NFIX: variants seen among roughly 807,000 people sequenced by gnomAD.
The protein encoded by NFIX is nuclear factor I X.
NFIX carries 2 observed loss-of-function variants against 53.3 expected under a neutral mutation model. The observed-to-expected ratio is 0.04, with a 90% confidence interval of 0.02 to 0.12. The LOEUF is 0.12. Among genes scored for constraint, NFIX ranks in the 10% least tolerant of loss-of-function variants. The pLI is 1.00. For synonymous variants in NFIX, 244 were observed against 289.0 expected (o/e 0.84, Z 1.58); for missense variants, 310 against 674.5 (o/e 0.46, Z 5.99).
In NFIX at chr19:13,096,841, GTGCCCGGCGGGGC is replaced by G. The variant is rs2018493625; in HGVS notation, c.*2200_*2212del. 6.6e-6 allele frequency: 1 copy of G among 151,372 alleles called. No homozygotes were observed. The highest frequency in any genetic ancestry group is 2.4e-5 in the African/African-American group (1 of 41,236). 9.4% of individuals were successfully genotyped at this position (151,372 alleles called of 1,614,324 possible). A position where few individuals can be genotyped will look rare whatever the true frequency, so the allele number is the denominator to read the frequency against. On this transcript the variant is annotated 3_prime_UTR_variant, in exon 11 of 11. Coordinates refer to ENST00000592199, the MANE Select transcript of NFIX (RefSeq NM_001365902.3). ...AGGCCAGCTGGGCCCGGGCCGGAGC[GTGCCCGGCGGGGC>G]TGCCCGGGCGGGCAGGGGGTGGGGG...
Position 13,037,069 on chromosome 19 carries a change from C to G in NFIX, c.559+11517C>G, listed in dbSNP as rs553466674. On this transcript the variant is annotated intron_variant, in intron 2 of 10. Transcript: ENST00000592199. The surrounding 1 kb of genome is among the most constrained non-coding windows in gnomAD (Gnocchi z 4.2). ...TGGGCAGAGTCCTTAATGGGTGAGA[C>G]AGGCCATCTGCCCTTGGGTATTTGA... 6.6e-6 allele frequency among the ~76,000 whole-genome samples: 1 copy of G among 152,260 alleles called. No individual in the cohort carries two copies. The highest frequency in any genetic ancestry group is 1.9e-4 in the East Asian group (1 of 5,172).
chr19:13,013,155 G>C lies in NFIX; in HGVS notation c.28-11866G>C, dbSNP rs986095536. On this transcript the variant is annotated intron_variant, in intron 1 of 10. Coordinates refer to ENST00000592199, the MANE Select transcript of NFIX (RefSeq NM_001365902.3). The surrounding 1 kb of genome is among the most constrained non-coding windows in gnomAD (Gnocchi z 5.9). The stretch of plus-strand genomic sequence containing the variant: ...CTCTCAGGGCTGATTTCTTGAATTT[G>C]GGGCGTCGAGGCCTCCCCACCCGTT... Among the ~76,000 whole-genome samples the C allele has an allele frequency of 2.0e-5, 3 of 152,034 alleles. No homozygotes were observed. The highest frequency in any genetic ancestry group is 7.2e-5 in the African/African-American group (3 of 41,386).
intron 2 of NFIX, among the ~76,000 whole-genome samples, chr19:13,039,228 C>CCACACA (rs1555698306): frequency 3.9e-4 from 56 of 144,582 alleles, no homozygotes; most frequent in African/African-American, 5.7e-4. Context: ...ACACCCCCCC[C>CCACACA]CACACACACA....
chr19:13,023,058 C>G (rs1419687166), intron 1 of NFIX, among the ~76,000 whole-genome samples: 3 of 136,200 alleles, frequency 2.2e-5, no homozygotes, highest in Non-Finnish European at 4.7e-5. Flanking sequence ...ATAGGTGGAT[C>G]CTTCTCTCTC....
At chr19:13,020,675 G>C (rs866904535) in intron 1 of NFIX, among the ~76,000 whole-genome samples, 1 of 152,186 alleles carries the variant, frequency 6.6e-6, no homozygotes, top group Non-Finnish European at 1.5e-5. Context: ...AGAGCCTTGA[G>C]GGGGTGCTTG....
rs2018075038 is a variant in NFIX, at chr19:13,090,618, C to T, written c.1494+228C>T. ...CTAATTGGATAATTAGCTCTGACAG[C>T]CCTGGCCCTGGGGAAGGCGGCCAAG... On this transcript the variant is annotated intron_variant, in intron 10 of 10. Transcript: ENST00000592199. The surrounding 1 kb of genome is among the most constrained non-coding windows in gnomAD (Gnocchi z 6.6). 6.6e-6 allele frequency among the ~76,000 whole-genome samples: 1 copy of T among 152,224 alleles called. No homozygotes were observed. Among genetic ancestry groups the T allele is most frequent in the Non-Finnish European group, 1.5e-5 (1 of 68,042 alleles).
intron 2 of NFIX, among the ~76,000 whole-genome samples, chr19:13,048,242 C>A (rs1294390804): frequency 6.6e-6 from 1 of 152,210 alleles, no homozygotes; most frequent in Non-Finnish European, 1.5e-5. Context: ...ACTCTTCTTT[C>A]CAGCTACCAG....
chr19:13,080,067 T>C (rs540890635), intron 7 of NFIX, among the ~76,000 whole-genome samples: 1 of 152,150 alleles, frequency 6.6e-6, no homozygotes, highest in Admixed American at 6.5e-5. Context: ...CCTCCTCTTG[T>C]CCCCCACCCA....
chr19:13,074,047 T>C, intron 5 of NFIX, 21 bp downstream of exon 5: 1 of 1,613,372 alleles, frequency 6.2e-7, no homozygotes. Context: ...TGGCCCTGCC[T>C]TTCCATCTTC....
At chr19:13,046,212 G>C (rs2014971469) in intron 2 of NFIX, among the ~76,000 whole-genome samples, 1 of 152,216 alleles carries the variant, frequency 6.6e-6, no homozygotes, top group Non-Finnish European at 1.5e-5. Flanking sequence ...TCTCGGGAAA[G>C]AGGGTAGGCC....
At position 13,073,001 on chromosome 19, in the gene NFIX, G is replaced by C. The variant is rs1052655273; in HGVS notation, c.560-46G>C. 26 of 1,587,746 alleles carry C rather than the reference G, an allele frequency of 1.6e-5. No individual in the cohort carries two copies. Among genetic ancestry groups the C allele is most frequent in the Non-Finnish European group, 2.2e-5 (26 of 1,156,352 alleles). On this transcript the variant is annotated intron_variant, in intron 2 of 10. Coordinates refer to ENST00000592199, the MANE Select transcript of NFIX (RefSeq NM_001365902.3). The surrounding 1 kb of genome is among the most constrained non-coding windows in gnomAD (Gnocchi z 4.5). ...GGCCAATGCTTGGCTGGTGCTTATG[G>C]GGAACTTTGCTCCTGATACATTCTC...
rs1236250840 is a variant in NFIX, at chr19:13,022,038, G to C, written c.28-2983G>C. On this transcript the variant is annotated intron_variant, in intron 1 of 10. Transcript: ENST00000592199. The surrounding 1 kb of genome is among the most constrained non-coding windows in gnomAD (Gnocchi z 4.5). ...GAGACAGGTAAGAAAACTAATCTCA[G>C]GTCAACTGGAGAGGGCAGATCTGGA... Among the ~76,000 whole-genome samples, 3 of 152,118 alleles carry C rather than the reference G, an allele frequency of 2.0e-5. No homozygotes were observed.
intron 2 of NFIX, among the ~76,000 whole-genome samples, chr19:13,026,028 G>C (rs2013317252): frequency 6.6e-6 from 1 of 152,178 alleles, no homozygotes; most frequent in Non-Finnish European, 1.5e-5. Context: ...GGATGGGCAG[G>C]AGTCCGGTGG....
Position 13,090,787 on chromosome 19 carries a change from C to T in NFIX, c.1494+397C>T, listed in dbSNP as rs775519413. On this transcript the variant is annotated intron_variant, in intron 10 of 10. Coordinates refer to ENST00000592199, the MANE Select transcript of NFIX (RefSeq NM_001365902.3). The surrounding 1 kb of genome is among the most constrained non-coding windows in gnomAD (Gnocchi z 6.6). Reference sequence around the variant, plus strand: ...CCGGCCCCTAGCCCTCCCCTTTCCCCTGGCGTTGGGTGGGCTGGGTGACGG... The same window carrying T: ...CCGGCCCCTAGCCCTCCCCTTTCCCTTGGCGTTGGGTGGGCTGGGTGACGG... Among the ~76,000 whole-genome samples, 1 of 152,222 alleles carries T rather than the reference C, an allele frequency of 6.6e-6. No individual in the cohort carries two copies. Among genetic ancestry groups the T allele is most frequent in the Non-Finnish European group, 1.5e-5 (1 of 68,028 alleles).
In NFIX at chr19:13,090,777, C is replaced by T. The variant is rs2018085916; in HGVS notation, c.1494+387C>T. On this transcript the variant is annotated intron_variant, in intron 10 of 10. Coordinates refer to ENST00000592199, the MANE Select transcript of NFIX (RefSeq NM_001365902.3). The surrounding 1 kb of genome is among the most constrained non-coding windows in gnomAD (Gnocchi z 6.6). ...ACTGGAAGCCCCGGCCCCTAGCCCT[C>T]CCCTTTCCCCTGGCGTTGGGTGGGC... Among the ~76,000 whole-genome samples, 1 of 152,196 alleles carries T rather than the reference C, an allele frequency of 6.6e-6. No homozygotes were observed. The highest frequency in any genetic ancestry group is 6.5e-5 in the Admixed American group (1 of 15,284).
At position 13,078,885 on chromosome 19, in the gene NFIX, A is replaced by G. The variant is rs1447968921; in HGVS notation, c.1078+150A>G. 1.0e-6 allele frequency: 1 copy of G among 970,660 alleles called. No homozygotes were observed. The highest frequency in any genetic ancestry group is 2.9e-5 in the Admixed American group (1 of 34,250). The allele number at this position is 970,660 out of a possible 1,614,324, so 60.1% of individuals were successfully genotyped here. On this transcript the variant is annotated intron_variant, in intron 7 of 10. Transcript: ENST00000592199. This position sits in a 1 kb window ranked among gnomAD's most constrained non-coding sequence, Gnocchi z 4.7. ...AGGTGCAGCAGCGGGTGGGCATGGG[A>G]GCCGGCCCCTGCTTCACGTAGCACC...
rs1311772465 is a variant in NFIX at position 13,066,771 on chromosome 19, A to G, written c.560-6276A>G. Among the ~76,000 whole-genome samples, 1 of 152,034 alleles carries G rather than the reference A, an allele frequency of 6.6e-6. No individual in the cohort carries two copies. Among genetic ancestry groups the G allele is most frequent in the East Asian group, 1.9e-4 (1 of 5,164 alleles). ...TGTTTGTGCACATGTGTGTGTGCACATGCATGGTGGCTGGTGGAGCAGGGT... is the reference window on the plus strand; with the variant it reads ...TGTTTGTGCACATGTGTGTGTGCACGTGCATGGTGGCTGGTGGAGCAGGGT... On this transcript the variant is annotated intron_variant, in intron 2 of 10. Coordinates refer to ENST00000592199, the MANE Select transcript of NFIX (RefSeq NM_001365902.3). This position sits in a 1 kb window ranked among gnomAD's most constrained non-coding sequence, Gnocchi z 4.2.
chr19:13,044,599 G>A (rs1015057009), intron 2 of NFIX, among the ~76,000 whole-genome samples: 2 of 152,142 alleles, frequency 1.3e-5, no homozygotes, highest in Admixed American at 1.3e-4. Context: ...TAACCCCTGG[G>A]CCCAACTCCA....
rs1036857131 is a variant in NFIX, at chr19:13,001,593, CAA to C, written c.27+5731_27+5732del. On this transcript the variant is annotated intron_variant, in intron 1 of 10. Transcript: ENST00000592199. The surrounding 1 kb of genome is among the most constrained non-coding windows in gnomAD (Gnocchi z 6.5). ...TTTTCTGGGTGTCTGTGCGTCACGGCAAAGAGTGTATCCGTGTGTCTCACACA... is the reference window on the plus strand; with the variant it reads ...TTTTCTGGGTGTCTGTGCGTCACGGCAGAGTGTATCCGTGTGTCTCACACA... Among the ~76,000 whole-genome samples, 3 of 152,174 alleles carry C rather than the reference CAA, an allele frequency of 2.0e-5. No individual in the cohort carries two copies. The highest frequency in any genetic ancestry group is 7.2e-5 in the African/African-American group (3 of 41,430).
Sources: allele counts gnomAD v4.1 joint callset (sites outside exome capture counted in the v4.1 genomes callset), GRCh38; gene constraint gnomAD v4.1.1; non-coding constraint Gnocchi (gnomAD v3.1); transcripts MANE v1.5; gene names NCBI Gene and HGNC (gene_info 2026-07-23, HGNC 2026-07-21).